The following ADCY4 variants were observed in gnomAD, a reference collection of about 807,000 sequenced individuals.
The protein encoded by ADCY4 is adenylate cyclase type 4.
In ADCY4, 111 loss-of-function variants were observed where a neutral mutation model predicts 125.5. The observed-to-expected ratio is 0.88, with a 90% CI of 0.76 to 1.04. The LOEUF (loss-of-function observed/expected upper bound fraction) is 1.04, where lower values mean the gene tolerates loss of function less well. Among genes scored for constraint, ADCY4 ranks in the 50% least tolerant of loss-of-function variants. ADCY4 has a pLI of 0.00. For missense variants in ADCY4, 1,256 were observed against 1,382.9 expected, an observed-to-expected ratio of 0.91 and a Z score of 1.46; for synonymous variants, 576 against 586.9, an observed-to-expected ratio of 0.98 and a Z score of 0.27.
Position 24,325,470 on chromosome 14 carries a change from C to T in ADCY4, c.1730G>A (p.Arg577Gln), listed in dbSNP as rs150810366. 6.8e-6 allele frequency: 11 copies of T among 1,613,320 alleles called. No homozygotes were observed. The highest frequency in any genetic ancestry group is 2.2e-5 in the East Asian group (1 of 44,886). The change falls in exon 14 of 25, where the codon CGA (arginine) becomes CAA (glutamine). Residue 577 changes from arginine (R) to glutamine (Q), a missense_variant. Physicochemically the swap from Arg to Gln is conservative, Grantham distance 43 (BLOSUM62 1). Coordinates refer to ENST00000418030, the MANE Select transcript of ADCY4 (RefSeq NM_001198568.2). ...FREKEMEKEY[R>Q]LSAIPAFKYY... is the part of the protein sequence containing the mutation. The stretch of plus-strand genomic sequence containing the variant: ...TTTGAAGGCGGGGATTGCAGAGAGT[C>T]GGTACTGAAAGTGAGAGGGCCAGAG...
At position 24,322,724 on chromosome 14, in the gene ADCY4, A is replaced by C. The variant is rs1566432736; in HGVS notation, c.2343-16T>G. ...CACTCCGGGCCTGAAGGGGCCATGG[A>C]TCAGGGTGACCCCTTGCTTTCCCCC... is the stretch of plus-strand genomic sequence containing the variant. On this transcript the variant is annotated splice_polypyrimidine_tract_variant and intron_variant, in intron 18 of 24. Coordinates refer to ENST00000418030, the MANE Select transcript of ADCY4 (RefSeq NM_001198568.2). 1.9e-6 allele frequency: 3 copies of C among 1,612,670 alleles called. No homozygotes were observed. The highest frequency in any genetic ancestry group is 2.5e-6 in the Non-Finnish European group (3 of 1,179,260).
intron 17 of ADCY4, 113 bp from the exon 18 acceptor site, chr14:24,323,201 G>C (rs1223290595): frequency 7.1e-7 from 1 of 1,404,744 alleles, no homozygotes; most frequent in African/African-American, 1.4e-5. Context: ...GAGACAGGGG[G>C]CATCATACAC....
intron 20 of ADCY4, chr14:24,321,858 A>G (rs1365330951): frequency 6.0e-6 from 8 of 1,326,906 alleles, no homozygotes; most frequent in Non-Finnish European, 7.7e-6. Context: ...TAGAGAAGAC[A>G]TGCCTTCCAA....
chr14:24,324,124 G>C lies in ADCY4; in HGVS notation c.1984C>G (p.Leu662Val). The change falls in exon 16 of 25, where the codon CTG becomes GTG. Residue 662 changes from leucine (L) to valine (V), a missense_variant. By Grantham distance (32) the Leu-to-Val change is conservative. Coordinates refer to ENST00000418030, the MANE Select transcript of ADCY4 (RefSeq NM_001198568.2). Reference sequence around the variant, plus strand: ...GTGGCGGTGCCCAAGGCTATTCTCAGTCCTGGTCGTGTGGCCACCAGGCCA... The same window carrying C: ...GTGGCGGTGCCCAAGGCTATTCTCACTCCTGGTCGTGTGGCCACCAGGCCA... ...LSGLVATRPG[L>V]RIALGTATIL... 1 of 1,614,220 alleles carries C rather than the reference G, an allele frequency of 6.2e-7. No homozygotes were observed.
At chr14:24,326,612 T>TGTGTGA (rs1339294880) in intron 10 of ADCY4, 1 of 401,008 alleles carries the variant, frequency 2.5e-6, no homozygotes, top group African/African-American at 2.0e-5. Context: ...TGTGTGTGTG[T>TGTGTGA]GTGACTGAAT....
In ADCY4 at chr14:24,318,585, G is replaced by T. The variant is rs750646970; in HGVS notation, c.3082-17C>A. ...CTCAGTCACCTACAATTGGAGGGGG[G>T]CGAGGGAATATGGAGGTGGCCCTAT... On this transcript the variant is annotated splice_polypyrimidine_tract_variant and intron_variant, in intron 24 of 24. Coordinates refer to ENST00000418030, the MANE Select transcript of ADCY4 (RefSeq NM_001198568.2). 6.2e-7 allele frequency: 1 copy of T among 1,614,112 alleles called. No individual in the cohort carries two copies. The highest frequency in any genetic ancestry group is 8.5e-7 in the Non-Finnish European group (1 of 1,179,992).
At chr14:24,325,119 C>A (rs2041921662) in intron 14 of ADCY4, among the ~76,000 whole-genome samples, 1 of 151,996 alleles carries the variant, frequency 6.6e-6, no homozygotes, top group African/African-American at 2.4e-5. Context: ...TGGAAACAAA[C>A]TGGCCTTCAT....
chr14:24,334,865 T>G lies in ADCY4; in HGVS notation c.-213A>C. ...GGCGATGAGGGGATCCCTCAGTCCTTTCCTCCTCCTCCCTCAAACCCGGAT... is the reference window on the plus strand; with the variant it reads ...GGCGATGAGGGGATCCCTCAGTCCTGTCCTCCTCCTCCCTCAAACCCGGAT... On this transcript the variant is annotated 5_prime_UTR_variant, in exon 1 of 25. Transcript: ENST00000418030. The G allele has an allele frequency of 3.7e-6, 2 of 540,456 alleles. No individual in the cohort carries two copies. The highest frequency in any genetic ancestry group is 6.5e-6 in the Non-Finnish European group (2 of 307,562). The allele number at this position is 540,456 out of a possible 1,614,324, so 33.5% of individuals were successfully genotyped here. A position where few individuals can be genotyped will look rare whatever the true frequency, so the allele number is the denominator to read the frequency against.
rs759104488 is a variant in ADCY4 at position 24,318,560 on chromosome 14, C to T, written c.3090G>A (p.Glu1030=). 1.2e-6 allele frequency: 2 copies of T among 1,614,022 alleles called. No homozygotes were observed. Among genetic ancestry groups the T allele is most frequent in the East Asian group, 2.2e-5 (1 of 44,894 alleles). ...GGGACTGTAGGGCCCATGCTGTCTCCTCAGTCACCTACAATTGGAGGGGGG... is the reference window on the plus strand; with the variant it reads ...GGGACTGTAGGGCCCATGCTGTCTCTTCAGTCACCTACAATTGGAGGGGGG... ...TGVLGKIQVT[E]ETAWALQSLG... Residue 1030 remains glutamate (E), a synonymous_variant, in exon 25 of 25, where the codon GAG becomes GAA. Coordinates refer to ENST00000418030, the MANE Select transcript of ADCY4 (RefSeq NM_001198568.2).
intron 6 of ADCY4, chr14:24,330,543 A>T (rs1281092107): frequency 2.1e-6 from 1 of 482,616 alleles, no homozygotes; most frequent in Non-Finnish European, 3.7e-6. Flanking sequence ...GGCATGTTGA[A>T]GGGGGTACCC....
At position 24,334,947 on chromosome 14, in the gene ADCY4, C is replaced by A. The variant is rs888916543; in HGVS notation, c.-295G>T. 6.5e-6 allele frequency: 2 copies of A among 307,126 alleles called. No homozygotes were observed. The highest frequency in any genetic ancestry group is 5.2e-5 in the Admixed American group (1 of 19,300). The allele number at this position is 307,126 out of a possible 1,614,324, so 19.0% of individuals were successfully genotyped here. On this transcript the variant is annotated 5_prime_UTR_variant, in exon 1 of 25. Transcript: ENST00000418030. ...AGGAGGGCAGGATTTGGGGTTGGTG[C>A]GAGGGAGCCCCGGGTTCCCCTGATC...
Position 24,319,953 on chromosome 14 carries a change from G to T in ADCY4, c.2587-65C>A. On this transcript the variant is annotated intron_variant, in intron 20 of 24. Transcript: ENST00000418030. This position sits in a 1 kb window ranked among gnomAD's most constrained non-coding sequence, Gnocchi z 4.5. ...GTTCCTCTCCCTTCTAGAGGTCTGC[G>T]TGGGGCCCTCCTCCCCATGTCCACA... is the stretch of plus-strand genomic sequence containing the variant. 1 of 1,565,844 alleles carries T rather than the reference G, an allele frequency of 6.4e-7. No homozygotes were observed. Among genetic ancestry groups the T allele is most frequent in the Non-Finnish European group, 8.7e-7 (1 of 1,155,840 alleles).
In ADCY4 at chr14:24,330,237, A is replaced by C; in HGVS notation, c.989T>G (p.Leu330Arg). The change falls in exon 7 of 25, where the codon CTG (leucine) becomes CGG (arginine). Residue 330 changes from leucine to arginine, a missense_variant. Leu to Arg is a moderately radical substitution (Grantham distance 102, BLOSUM62 -2). Coordinates refer to ENST00000418030, the MANE Select transcript of ADCY4 (RefSeq NM_001198568.2). ...LGDCYYCVSGLPLSLPDHAIN... is the reference protein window; with the variant it reads ...LGDCYYCVSGRPLSLPDHAIN... Reference sequence around the variant, plus strand: ...GGCATGGTCTGGCAGTGAGAGTGGCAGCCCAGAGACACAGTAGTAACAGTC... The same window carrying C: ...GGCATGGTCTGGCAGTGAGAGTGGCCGCCCAGAGACACAGTAGTAACAGTC... 6.2e-7 allele frequency: 1 copy of C among 1,614,224 alleles called. No individual in the cohort carries two copies. The highest frequency in any genetic ancestry group is 8.5e-7 in the Non-Finnish European group (1 of 1,180,036).
At chr14:24,329,352 T>G in intron 9 of ADCY4, 49 bp downstream of exon 9, 1 of 1,549,122 alleles carries the variant, frequency 6.5e-7, no homozygotes, top group Non-Finnish European at 8.7e-7. Context: ...CTGTTGGCTG[T>G]GGGGTGGTTT....
At chr14:24,320,052 CT>C in intron 20 of ADCY4, 164 bp from the exon 21 acceptor site, 1 of 788,850 alleles carries the variant, frequency 1.3e-6, no homozygotes. Flanking sequence ...AGGGAAGTGA[CT>C]TAGGAGTCAA....
In ADCY4 at chr14:24,325,798, C is replaced by T. The variant is rs757545264; in HGVS notation, c.1725+20G>A. 1.9e-6 allele frequency: 3 copies of T among 1,583,938 alleles called. No individual in the cohort carries two copies. The highest frequency in any genetic ancestry group is 2.7e-5 in the African/African-American group (2 of 74,564). On this transcript the variant is annotated intron_variant, in intron 13 of 24. Coordinates refer to ENST00000418030, the MANE Select transcript of ADCY4 (RefSeq NM_001198568.2). ...ACTAAAGTTGGGAAGTTGTTTGGTGCCACCCACACCACAGCCCACCTCTTT... is the reference window on the plus strand; with the variant it reads ...ACTAAAGTTGGGAAGTTGTTTGGTGTCACCCACACCACAGCCCACCTCTTT...
chr14:24,324,163 G>C lies in ADCY4; in HGVS notation c.1945C>G (p.Leu649Val), dbSNP rs1204112621. Residue 649 changes from leucine (L) to valine (V), a missense_variant, in exon 16 of 25, where the codon CTG becomes GTG. Transcript: ENST00000418030. ...VLKGPKMLHW[L>V]PALSGLVATR... Reference sequence around the variant, plus strand: ...GCCACCAGGCCAGACAGTGCAGGCAGCCAGTGCAGCATCTTGGGGCCTTTC... The same window carrying C: ...GCCACCAGGCCAGACAGTGCAGGCACCCAGTGCAGCATCTTGGGGCCTTTC... 7 of 1,614,146 alleles carry C rather than the reference G, an allele frequency of 4.3e-6. No individual in the cohort carries two copies. The highest frequency in any genetic ancestry group is 5.1e-6 in the Non-Finnish European group (6 of 1,180,048).
At chr14:24,325,680 T>G (rs1262087136) in intron 13 of ADCY4, 138 bp downstream of exon 13, 2 of 1,081,190 alleles carry the variant, frequency 1.8e-6, no homozygotes, top group Non-Finnish European at 2.7e-6. Flanking sequence ...GACTTTCCTT[T>G]AGAGAGAGGC....
intron 18 of ADCY4, 40 bp from the exon 19 acceptor site, chr14:24,322,748 C>T (rs1482294084): frequency 1.3e-6 from 2 of 1,599,302 alleles, no homozygotes; most frequent in South Asian, 1.1e-5. Context: ...TTGCTTTCCC[C>T]CTTCCTGGCC....
Sources: gnomAD v4.1 joint callset for allele counts (sites outside exome capture counted in the v4.1 genomes callset) on GRCh38, gnomAD v4.1.1 for gene constraint, Gnocchi (gnomAD v3.1) non-coding constraint, MANE v1.5 for transcripts, NCBI Gene and HGNC (gene_info 2026-07-23, HGNC 2026-07-21) for gene names.